CACNA2D3: variants seen among roughly 807,000 people sequenced by gnomAD.
The protein encoded by CACNA2D3 is calcium voltage-gated channel auxiliary subunit alpha2delta 3.
CACNA2D3 carries 60 observed loss-of-function variants against 160.6 expected under a neutral mutation model. The ratio of observed to expected loss-of-function variants is 0.37; its 90% CI spans 0.30 to 0.46. The LOEUF is 0.46. Among genes scored for constraint, CACNA2D3 ranks in the 20% least tolerant of loss-of-function variants. The probability of loss-of-function intolerance (pLI) is 1.00; values close to 1 mark genes in which losing one functional copy is unlikely to be tolerated. For synonymous variants in CACNA2D3, 558 were observed against 492.9 expected (o/e 1.13, Z -1.75); for missense variants, 1,205 against 1,365.0 (o/e 0.88, Z 1.85).
At chr3:54,924,599 T>C in intron 27 of CACNA2D3, 1 of 1,581,738 alleles carries the variant, frequency 6.3e-7, no homozygotes, top group Non-Finnish European at 8.7e-7. Context: ...GATGGGGGGT[T>C]CCAAATAGAC....
chr3:54,736,087 G>GTATATATACATACATATATATA (rs1559563720), intron 11 of CACNA2D3, among the ~76,000 whole-genome samples: 6 of 20,240 alleles, frequency 3.0e-4, no homozygotes, highest in Middle Eastern at 0.024. Flanking sequence ...ATATATGTAT[G>GTATATATACATACATATATATA]TGTATATATA....
chr3:54,238,253 A>G (rs1406931967), intron 2 of CACNA2D3, among the ~76,000 whole-genome samples: 1 of 152,146 alleles, frequency 6.6e-6, no homozygotes, highest in Non-Finnish European at 1.5e-5. Context: ...CCTCTGTGGA[A>G]CCTTGGGTTT....
intron 18 of CACNA2D3, chr3:54,877,077 A>C (rs1186805085): frequency 6.6e-6 from 1 of 152,192 alleles, no homozygotes; most frequent in African/African-American, 2.4e-5. Context: ...TAAGAGCAGC[A>C]GTTTTCAATG....
intron 29 of CACNA2D3, among the ~76,000 whole-genome samples, chr3:54,976,031 A>G (rs1354634700): frequency 1.3e-5 from 2 of 150,518 alleles, no homozygotes; most frequent in African/African-American, 5.0e-5. Flanking sequence ...TAGAGATTAG[A>G]TATAAATATA....
At chr3:54,817,610 C>G (rs114295044) in intron 14 of CACNA2D3, among the ~76,000 whole-genome samples, 2,294 of 152,280 alleles carry the variant, frequency 0.015, 40 homozygotes, top group African/African-American at 0.041. Flanking sequence ...TTCTGGGGGC[C>G]AGATGTTGTG....
chr3:54,416,691 CT>C (rs531194721), intron 4 of CACNA2D3, among the ~76,000 whole-genome samples: 9 of 152,204 alleles, frequency 5.9e-5, no homozygotes, highest in Admixed American at 4.6e-4. Context: ...AAACAGCTGG[CT>C]TTTGTTGTTA....
intron 24 of CACNA2D3, among the ~76,000 whole-genome samples, chr3:54,891,111 G>A (rs541283676): frequency 6.6e-6 from 1 of 151,298 alleles, no homozygotes; most frequent in Non-Finnish European, 1.5e-5. Context: ...TTGGCAGGAA[G>A]TTCTTCATTT....
intron 29 of CACNA2D3, among the ~76,000 whole-genome samples, chr3:54,984,064 G>A (rs571081875): frequency 1.3e-5 from 2 of 152,246 alleles, no homozygotes; most frequent in South Asian, 4.2e-4. Flanking sequence ...GAGGCCTGAG[G>A]GGCCCCTTTA....
At chr3:54,290,850 A>G (rs571268278) in intron 2 of CACNA2D3, among the ~76,000 whole-genome samples, 3 of 151,782 alleles carry the variant, frequency 2.0e-5, no homozygotes, top group East Asian at 3.9e-4. Context: ...ATAGGTGGCA[A>G]TTGAACAATG....
intron 35 of CACNA2D3, among the ~76,000 whole-genome samples, chr3:55,051,067 G>T (rs1328504410): frequency 6.6e-6 from 1 of 151,346 alleles, no homozygotes; most frequent in East Asian, 1.9e-4. Flanking sequence ...CCGTAGCTCA[G>T]AGTAATTTGA....
chr3:54,688,439 G>C (rs1048132131), intron 11 of CACNA2D3, among the ~76,000 whole-genome samples: 2 of 151,978 alleles, frequency 1.3e-5, no homozygotes, highest in African/African-American at 4.8e-5. Flanking sequence ...AGGATAAAGG[G>C]AGTGAAGGAA....
intron 11 of CACNA2D3, among the ~76,000 whole-genome samples, chr3:54,723,003 C>G (rs2106992482): frequency 6.6e-6 from 1 of 152,344 alleles, no homozygotes; most frequent in Non-Finnish European, 1.5e-5. Context: ...TAGCCGCCCC[C>G]TCCGCCAGGT....
At chr3:54,859,279 G>A (rs186784884) in intron 17 of CACNA2D3, among the ~76,000 whole-genome samples, 171 of 152,228 alleles carry the variant, frequency 1.1e-3, no homozygotes, top group African/African-American at 3.7e-3. Flanking sequence ...AATTTAATCC[G>A]TATCACACCA....
intron 3 of CACNA2D3, among the ~76,000 whole-genome samples, chr3:54,350,264 A>G (rs1392152106): frequency 2.0e-5 from 3 of 152,212 alleles, no homozygotes; most frequent in Admixed American, 6.5e-5. Flanking sequence ...TTCTAGTTAC[A>G]CAGTGTCATT....
At chr3:54,318,421 A>G (rs1692701344) in intron 2 of CACNA2D3, among the ~76,000 whole-genome samples, 1 of 152,208 alleles carries the variant, frequency 6.6e-6, no homozygotes, top group Admixed American at 6.5e-5. Flanking sequence ...ATGATCAATT[A>G]TAGGACCATG....
intron 2 of CACNA2D3, among the ~76,000 whole-genome samples, chr3:54,312,911 G>A (rs1210271792): frequency 1.3e-5 from 2 of 152,188 alleles, no homozygotes; most frequent in Non-Finnish European, 2.9e-5. Context: ...ACCAAGCCGG[G>A]GTTAGGCCCA....
At chr3:54,804,500 A>G (rs938268495) in intron 13 of CACNA2D3, among the ~76,000 whole-genome samples, 1 of 152,228 alleles carries the variant, frequency 6.6e-6, no homozygotes, top group Non-Finnish European at 1.5e-5. Context: ...AGAAGAGCTA[A>G]CTATCCTAAA....
Position 54,663,499 on chromosome 3 carries a change from T to C in CACNA2D3, c.1167+21258T>C, listed in dbSNP as rs191852647. Among the ~76,000 whole-genome samples, 175 of 152,366 alleles carry C rather than the reference T, an allele frequency of 1.1e-3. 1 individual carries two copies. The highest frequency in any genetic ancestry group is 2.0e-3 in the Non-Finnish European group (139 of 68,036). ...CAGGAGGTTTGTGTGAAACCCTTCCTGGTTTTCTTTTTTAAAACACAAATG... is the reference window on the plus strand; with the variant it reads ...CAGGAGGTTTGTGTGAAACCCTTCCCGGTTTTCTTTTTTAAAACACAAATG... On this transcript the variant is annotated intron_variant, in intron 11 of 37. Transcript: ENST00000474759.
Position 54,284,182 on chromosome 3 carries a change from G to C in CACNA2D3, c.205-36260G>C, listed in dbSNP as rs186803012. Among the ~76,000 whole-genome samples, 597 of 152,040 alleles carry C rather than the reference G, an allele frequency of 3.9e-3. 6 individuals carry two copies. The highest frequency in any genetic ancestry group is 0.013 in the African/African-American group (554 of 41,482). On this transcript the variant is annotated intron_variant, in intron 2 of 37. Transcript: ENST00000474759. The stretch of plus-strand genomic sequence containing the variant: ...AGCTAATGCTAAATGACGAGTTAAT[G>C]GGTGCAGCACACCAACATGGCACAT...
Sources: gnomAD v4.1 joint callset for allele counts (sites outside exome capture counted in the v4.1 genomes callset) on GRCh38, gnomAD v4.1.1 for gene constraint, MANE v1.5 for transcripts, NCBI Gene and HGNC (gene_info 2026-07-23, HGNC 2026-07-21) for gene names.